The following DCC variants were observed in gnomAD, a reference collection of about 807,000 sequenced individuals.
DCC encodes the protein DCC netrin 1 receptor.
In DCC, 58 loss-of-function variants were observed where a neutral mutation model predicts 172.5. The observed-to-expected ratio is 0.34, with a 90% confidence interval of 0.27 to 0.42. DCC has a LOEUF of 0.42. DCC is among the 10% of genes least tolerant of loss of function. DCC has a pLI of 1.00. For synonymous variants in DCC, 709 were observed against 644.5 expected, an observed-to-expected ratio of 1.10 and a Z score of -1.52; for missense variants, 1,740 against 1,791.0, an observed-to-expected ratio of 0.97 and a Z score of 0.51.
intron 7 of DCC, among the ~76,000 whole-genome samples, chr18:53,114,522 A>G (rs2043382483): frequency 6.6e-6 from 1 of 151,634 alleles, no homozygotes; most frequent in African/African-American, 2.4e-5. Flanking sequence ...TGGGCCATTG[A>G]GAAAACAGTT....
At chr18:53,388,644 A>G (rs1908335821) in intron 16 of DCC, among the ~76,000 whole-genome samples, 1 of 152,192 alleles carries the variant, frequency 6.6e-6, no homozygotes, top group South Asian at 2.1e-4. Flanking sequence ...TGTCTTAAGG[A>G]CAAGATATCT....
chr18:52,627,309 C>A (rs2034593076), intron 1 of DCC, among the ~76,000 whole-genome samples: 1 of 152,136 alleles, frequency 6.6e-6, no homozygotes, highest in Admixed American at 6.5e-5. Flanking sequence ...CTGCTGTATT[C>A]TGAGCCCCTA....
At chr18:52,375,424 T>C (rs113578066) in intron 1 of DCC, among the ~76,000 whole-genome samples, 10 of 152,350 alleles carry the variant, frequency 6.6e-5, no homozygotes, top group African/African-American at 2.4e-4. Context: ...GAAATGCTGG[T>C]ACTGGTTTAG....
intron 2 of DCC, among the ~76,000 whole-genome samples, chr18:52,850,188 TA>T (rs1426063347): frequency 6.6e-6 from 1 of 152,202 alleles, no homozygotes; most frequent in Non-Finnish European, 1.5e-5. Context: ...GGGCAGAGCT[TA>T]AAGGAATATT....
At chr18:52,968,761 G>A (rs1404704289) in intron 5 of DCC, among the ~76,000 whole-genome samples, 1 of 152,008 alleles carries the variant, frequency 6.6e-6, no homozygotes. Flanking sequence ...AAAATAATTT[G>A]CATCTTAAAT....
intron 5 of DCC, among the ~76,000 whole-genome samples, chr18:52,961,077 T>G (rs2040834592): frequency 6.6e-6 from 1 of 152,096 alleles, no homozygotes; most frequent in African/African-American, 2.4e-5. Flanking sequence ...ACTAAATATT[T>G]GAAATTCTAT....
chr18:53,525,299 G>C (rs182158430), intron 27 of DCC, among the ~76,000 whole-genome samples: 33 of 152,098 alleles, frequency 2.2e-4, no homozygotes, highest in African/African-American at 7.9e-4. Flanking sequence ...CTAGACTTTT[G>C]TAGGCACTCA....
chr18:52,758,930 A>G (rs1472327525), intron 2 of DCC: 1 of 152,174 alleles, frequency 6.6e-6, no homozygotes, highest in African/African-American at 2.4e-5. Context: ...TTACATTTAT[A>G]GAGATATTGT....
At chr18:53,122,888 C>A (rs1181616776) in intron 7 of DCC, among the ~76,000 whole-genome samples, 1 of 152,054 alleles carries the variant, frequency 6.6e-6, no homozygotes, top group Non-Finnish European at 1.5e-5. Flanking sequence ...CATTTTATCT[C>A]CCTTTTGCAT....
At chr18:53,382,248 A>G (rs1406223422) in intron 15 of DCC, among the ~76,000 whole-genome samples, 1 of 152,140 alleles carries the variant, frequency 6.6e-6, no homozygotes, top group South Asian at 2.1e-4. Flanking sequence ...AAATGGCTCA[A>G]GCCTAATAAA....
At chr18:52,529,508 T>C (rs1386691264) in intron 1 of DCC, among the ~76,000 whole-genome samples, 1 of 152,182 alleles carries the variant, frequency 6.6e-6, no homozygotes, top group Admixed American at 6.5e-5. Flanking sequence ...GCCAGGATGG[T>C]CTCGATCTCC....
intron 1 of DCC, among the ~76,000 whole-genome samples, chr18:52,722,705 C>T (rs2036491323): frequency 6.6e-6 from 1 of 152,144 alleles, no homozygotes. Context: ...AGACTCCTGA[C>T]CTGCCCTCAC....
chr18:53,273,901 T>C (rs1344208370), intron 12 of DCC, among the ~76,000 whole-genome samples: 1 of 152,110 alleles, frequency 6.6e-6, no homozygotes, highest in African/African-American at 2.4e-5. Flanking sequence ...CACAGCCATG[T>C]AGAAGCAGCT....
chr18:53,435,498 G>A (rs1366822570), intron 22 of DCC, among the ~76,000 whole-genome samples: 1 of 152,106 alleles, frequency 6.6e-6, no homozygotes, highest in African/African-American at 2.4e-5. Flanking sequence ...ATGACACAAA[G>A]CTGTTAAATA....
intron 12 of DCC, among the ~76,000 whole-genome samples, chr18:53,284,822 C>A (rs913639377): frequency 1.3e-5 from 2 of 152,090 alleles, no homozygotes; most frequent in African/African-American, 4.8e-5. Context: ...ATGACATGGA[C>A]AATGAAATCA....
At position 53,428,556 on chromosome 18, in the gene DCC, T is replaced by TTATA. The variant is rs770856556; in HGVS notation, c.3164-6580_3164-6577dup. On this transcript the variant is annotated intron_variant, in intron 21 of 28. Transcript: ENST00000442544. ...GTATTTTATATATATATAAATATAT[T>TTATA]TATATATATATTTATATATATAAAA... Among the ~76,000 whole-genome samples the TTATA allele has an allele frequency of 9.0e-4, 41 of 45,542 alleles. 4 individuals carry two copies. The highest frequency in any genetic ancestry group is 2.1e-3 in the African/African-American group (31 of 15,018). 29.9% of individuals were successfully genotyped at this position (45,542 alleles called of 152,430 possible). A position where few individuals can be genotyped will look rare whatever the true frequency, so the allele number is the denominator to read the frequency against.
chr18:53,305,194 T>G (rs1313397054), intron 12 of DCC, among the ~76,000 whole-genome samples: 1 of 152,128 alleles, frequency 6.6e-6, no homozygotes, highest in African/African-American at 2.4e-5. Flanking sequence ...TAATTAGCAG[T>G]GTGAGAACAG....
intron 1 of DCC, among the ~76,000 whole-genome samples, chr18:52,744,992 A>G (rs2036884840): frequency 3.3e-5 from 5 of 152,166 alleles, no homozygotes; most frequent in Admixed American, 3.3e-4. Context: ...TATTCCAAGG[A>G]ATATTCTAAA....
At chr18:52,794,977 C>T (rs1263920797) in intron 2 of DCC, among the ~76,000 whole-genome samples, 1 of 151,864 alleles carries the variant, frequency 6.6e-6, no homozygotes, top group African/African-American at 2.4e-5. Context: ...GAGACAAATC[C>T]CCCTTAATCA....
Sources: gnomAD v4.1 joint callset for allele counts (sites outside exome capture counted in the v4.1 genomes callset) on GRCh38, gnomAD v4.1.1 for gene constraint, MANE v1.5 for transcripts, NCBI Gene and HGNC (gene_info 2026-07-23, HGNC 2026-07-21) for gene names.